Variants in TLX3 observed in about 807,000 individuals in gnomAD.
The protein encoded by TLX3 is T cell leukemia homeobox 3.
In TLX3, 11 loss-of-function variants were observed where a neutral mutation model predicts 19.6. The ratio of observed to expected loss-of-function variants is 0.56; its 90% CI spans 0.35 to 0.93. TLX3 has a LOEUF of 0.93. Among genes scored for constraint, TLX3 ranks in the 40% least tolerant of loss-of-function variants. TLX3 has a pLI of 0.01. For synonymous variants in TLX3, 221 were observed against 188.1 expected (o/e 1.17, Z -1.43); for missense variants, 375 against 418.6 (o/e 0.90, Z 0.91).
rs767175372 is a variant in TLX3 at position 171,309,633 on chromosome 5, G to A, written c.268G>A (p.Val90Met). 2 of 1,607,976 alleles carry A rather than the reference G, an allele frequency of 1.2e-6. No homozygotes were observed. Among genetic ancestry groups the A allele is most frequent in the East Asian group, 4.5e-5 (2 of 44,742 alleles). The change falls in exon 1 of 3, where the codon GTG (valine) becomes ATG (methionine). Residue 90 changes from valine (V) to methionine (M), a missense_variant. Physicochemically the swap from Val to Met is conservative, Grantham distance 21 (BLOSUM62 1). Around this residue, in one of 3 missense-constraint regions of TLX3, gnomAD observed 239 missense variants for 217.0 expected, o/e 1.10. Coordinates refer to ENST00000296921, the MANE Select transcript of TLX3 (RefSeq NM_021025.4). ...CCTAGCGCCCGCAGGCGTGATCCGGGTGCCGGCGCACAGGCCGCTGCCCGG... is the reference window on the plus strand; with the variant it reads ...CCTAGCGCCCGCAGGCGTGATCCGGATGCCGGCGCACAGGCCGCTGCCCGG... ...LSLAPAGVIR[V>M]PAHRPLPGAV...
At position 171,311,372 on chromosome 5, in the gene TLX3, TC is replaced by T. The variant is rs2113030942; in HGVS notation, c.666-14del. The stretch of plus-strand genomic sequence containing the variant: ...CGGGTGCATGACGGTACTGTCCCTC[TC>T]CCTCCCCCGGTGCAGGCGGCAGACG... On this transcript the variant is annotated splice_polypyrimidine_tract_variant and intron_variant, in intron 2 of 2. Transcript: ENST00000296921. This position sits in a 1 kb window ranked among gnomAD's most constrained non-coding sequence, Gnocchi z 5.1. 1.3e-6 allele frequency: 2 copies of T among 1,544,662 alleles called. No individual in the cohort carries two copies. The highest frequency in any genetic ancestry group is 4.9e-5 in the East Asian group (2 of 40,662).
intron 1 of TLX3, 145 bp downstream of exon 1, chr5:171,309,931 G>T: frequency 7.6e-7 from 1 of 1,311,028 alleles, no homozygotes; most frequent in South Asian, 1.6e-5. Context: ...CAGCCGTGGT[G>T]GGGAGGGTAA....
chr5:171,309,426 G>T lies in TLX3; in HGVS notation c.61G>T (p.Asp21Tyr). The T allele has an allele frequency of 6.2e-7, 1 of 1,605,246 alleles. No individual in the cohort carries two copies. The highest frequency in any genetic ancestry group is 8.5e-7 in the Non-Finnish European group (1 of 1,176,438). The change falls in exon 1 of 3, where the codon GAC becomes TAC. Residue 21 changes from aspartate (D) to tyrosine (Y), a missense_variant. Coordinates refer to ENST00000296921, the MANE Select transcript of TLX3 (RefSeq NM_021025.4). ...GCACGAGCCCATCAGCTTCGGCATC[G>T]ACCAGATCCTTAACAGCCCGGACCA... ...HPHEPISFGI[D>Y]QILNSPDQDS...
chr5:171,309,994 AG>A (rs930556179), intron 1 of TLX3, among the ~76,000 whole-genome samples, 155 bp from the exon 2 acceptor site: 2 of 152,222 alleles, frequency 1.3e-5, no homozygotes, highest in African/African-American at 4.8e-5. Flanking sequence ...ACAGGGGGCG[AG>A]GGGGTCTCCC....
Position 171,311,235 on chromosome 5 carries a change from G to A in TLX3, c.666-154G>A, listed in dbSNP as rs1561843109. On this transcript the variant is annotated intron_variant, in intron 2 of 2. Transcript: ENST00000296921. The surrounding 1 kb of genome is among the most constrained non-coding windows in gnomAD (Gnocchi z 5.1). ...ATCCTAACCGGCTCCCTGGATATAA[G>A]AGCCTCGGGCGTAAAGCGCGGGCTG... Among the ~76,000 whole-genome samples, 1 of 152,172 alleles carries A rather than the reference G, an allele frequency of 6.6e-6. No individual in the cohort carries two copies. Among genetic ancestry groups the A allele is most frequent in the Non-Finnish European group, 1.5e-5 (1 of 68,024 alleles).
Position 171,311,626 on chromosome 5 carries a change from G to A in TLX3, c.*27G>A. On this transcript the variant is annotated 3_prime_UTR_variant, in exon 3 of 3. Transcript: ENST00000296921. This position sits in a 1 kb window ranked among gnomAD's most constrained non-coding sequence, Gnocchi z 5.1. ...CCCACCAGCGCGCACCGTCGCCACG[G>A]ATCGCCGCCCCCACCCAGCCGGGCG... 1.9e-6 allele frequency: 3 copies of A among 1,565,620 alleles called. No individual in the cohort carries two copies. Among genetic ancestry groups the A allele is most frequent in the Non-Finnish European group, 2.6e-6 (3 of 1,149,886 alleles).
rs751423994 is a variant in TLX3 at position 171,310,151 on chromosome 5, G to A, written c.423G>A (p.Ala141=). 12 of 1,549,294 alleles carry A rather than the reference G, an allele frequency of 7.7e-6. No individual in the cohort carries two copies. The Admixed American group carries it at 1.2e-4, about 15-fold the overall frequency. ...SRRFVKDRFT[A]AAALTPFTVT... ...AGGGGCCCTCCTGTGTCTCCGCAGC[G>A]GCGGCCGCACTCACGCCCTTCACCG... The change falls in exon 2 of 3, where the codon GCG becomes GCA. Residue 141 remains alanine, a splice_region_variant and synonymous_variant. Transcript: ENST00000296921.
chr5:171,310,090 T>C (rs1049541449), intron 1 of TLX3, 60 bp from the exon 2 acceptor site: 88 of 1,508,242 alleles, frequency 5.8e-5, no homozygotes, highest in Non-Finnish European at 7.5e-5. Flanking sequence ...GGGGTCCGCA[T>C]GGGGCCTGAA....
chr5:171,311,730 G>A lies in TLX3; in HGVS notation c.*131G>A, dbSNP rs1769226581. 2 of 645,832 alleles carry A rather than the reference G, an allele frequency of 3.1e-6. No individual in the cohort carries two copies. The highest frequency in any genetic ancestry group is 5.0e-6 in the Non-Finnish European group (2 of 403,334). The allele number at this position is 645,832 out of a possible 1,614,324, so 40.0% of individuals were successfully genotyped here. ...CCGCCTAGCCCGAGTAGGCCCCAGG[G>A]CGCGGCCACAGACTGGCGGGCCGCG... On this transcript the variant is annotated 3_prime_UTR_variant, in exon 3 of 3. Transcript: ENST00000296921. This position sits in a 1 kb window ranked among gnomAD's most constrained non-coding sequence, Gnocchi z 5.1.
chr5:171,311,376 TC>T lies in TLX3; in HGVS notation c.666-8del, dbSNP rs1229703645. 1.3e-6 allele frequency: 2 copies of T among 1,528,996 alleles called. No individual in the cohort carries two copies. Among genetic ancestry groups the T allele is most frequent in the Admixed American group, 2.0e-5 (1 of 50,380 alleles). The allele number at this position is 1,528,996 out of a possible 1,614,324, so 94.7% of individuals were successfully genotyped here. On this transcript the variant is annotated splice_polypyrimidine_tract_variant and intron_variant, in intron 2 of 2. Transcript: ENST00000296921. The surrounding 1 kb of genome is among the most constrained non-coding windows in gnomAD (Gnocchi z 5.1). ...TGCATGACGGTACTGTCCCTCTCCC[TC>T]CCCCGGTGCAGGCGGCAGACGGCGG...
chr5:171,309,567 G>A lies in TLX3; in HGVS notation c.202G>A (p.Ala68Thr). The A allele has an allele frequency of 6.3e-7, 1 of 1,587,642 alleles. No individual in the cohort carries two copies. The highest frequency in any genetic ancestry group is 8.6e-7 in the Non-Finnish European group (1 of 1,168,392). ...SLPASFAGLG[A>T]PFEDAGSYSV... is the part of the protein sequence containing the mutation. ...GCCCGCCTCCTTTGCGGGCCTCGGCGCGCCCTTCGAGGACGCGGGATCTTA... is the reference window on the plus strand; with the variant it reads ...GCCCGCCTCCTTTGCGGGCCTCGGCACGCCCTTCGAGGACGCGGGATCTTA... The change falls in exon 1 of 3, where the codon GCG becomes ACG. Residue 68 changes from alanine (A) to threonine (T), a missense_variant. By Grantham distance (58) the Ala-to-Thr change is moderately conservative. This residue lies in a region of TLX3 where 239 missense variants were observed against 217.0 expected (regional missense o/e 1.10). Coordinates refer to ENST00000296921, the MANE Select transcript of TLX3 (RefSeq NM_021025.4).
intron 1 of TLX3, 71 bp from the exon 2 acceptor site, chr5:171,310,079 C>G (rs1351071960): frequency 1.3e-6 from 2 of 1,483,154 alleles, no homozygotes; most frequent in Non-Finnish European, 1.8e-6. Flanking sequence ...CGGGGCGCCA[C>G]GGGGTCCGCA....
rs1489107645 is a variant in TLX3, at chr5:171,310,198, C to G, written c.470C>G (p.Pro157Arg). The change falls in exon 2 of 3, where the codon CCC becomes CGC. Residue 157 changes from proline (P) to arginine (R), a missense_variant. Coordinates refer to ENST00000296921, the MANE Select transcript of TLX3 (RefSeq NM_021025.4). ...PFTVTRRIGH[P>R]YQNRTPPKRK... ...ACCGTGACCCGGCGCATCGGCCACC[C>G]CTACCAGAACCGGACGCCGCCCAAG... is the stretch of plus-strand genomic sequence containing the variant. 1 of 1,553,152 alleles carries G rather than the reference C, an allele frequency of 6.4e-7. No individual in the cohort carries two copies. The highest frequency in any genetic ancestry group is 8.7e-7 in the Non-Finnish European group (1 of 1,148,214).
rs1435340826 is a variant in TLX3 at position 171,311,863 on chromosome 5, C to T, written c.*264C>T. On this transcript the variant is annotated 3_prime_UTR_variant, in exon 3 of 3. Transcript: ENST00000296921. This position sits in a 1 kb window ranked among gnomAD's most constrained non-coding sequence, Gnocchi z 5.1. Reference sequence around the variant, plus strand: ...GACAAGAAAGCGCCTTACGTTTCTCCGCCCCCCGCCCGCACCCCCCGGGCC... The same window carrying T: ...GACAAGAAAGCGCCTTACGTTTCTCTGCCCCCCGCCCGCACCCCCCGGGCC... 3.3e-6 allele frequency: 1 copy of T among 307,002 alleles called. No homozygotes were observed. 19.0% of individuals were successfully genotyped at this position (307,002 alleles called of 1,614,324 possible).
chr5:171,309,884 C>T (rs1358563417), intron 1 of TLX3, 98 bp downstream of exon 1: 1 of 1,421,094 alleles, frequency 7.0e-7, no homozygotes, highest in South Asian at 1.5e-5. Context: ...TTTCAGAGGC[C>T]CAAGCGCGGC....
At position 171,309,676 on chromosome 5, in the gene TLX3, T is replaced by G; in HGVS notation, c.311T>G (p.Leu104Arg). ...CTGCCCGGGGCCGTGCCACCGCCTC[T>G]GCCAAGCGCGCTACCCGCCATGCCC... ...RPLPGAVPPP[L>R]PSALPAMPSV... Residue 104 changes from leucine (L) to arginine (R), a missense_variant, in exon 1 of 3, where the codon CTG becomes CGG. Physicochemically the swap from Leu to Arg is moderately radical, Grantham distance 102. Transcript: ENST00000296921. 1.9e-6 allele frequency: 3 copies of G among 1,609,524 alleles called. No individual in the cohort carries two copies. The highest frequency in any genetic ancestry group is 2.2e-5 in the East Asian group (1 of 44,792).
rs1581211264 is a variant in TLX3, at chr5:171,311,460, A to G, written c.737A>G (p.Asp246Gly). The change falls in exon 3 of 3, where the codon GAC (aspartate) becomes GGC (glycine). Residue 246 changes from aspartate to glycine, a missense_variant. Asp to Gly is a moderately conservative substitution (Grantham distance 94). Transcript: ENST00000296921. This position sits in a 1 kb window ranked among gnomAD's most constrained non-coding sequence, Gnocchi z 5.1. The stretch of plus-strand genomic sequence containing the variant: ...CGGCTCATGCTGCAGCTGCAACACG[A>G]CGCCTTCCAAAAGAGCCTCAACGAC... ...ASRLMLQLQH[D>G]AFQKSLNDSI... 8.9e-6 allele frequency: 14 copies of G among 1,581,720 alleles called. No homozygotes were observed. The East Asian group carries it at 3.1e-4, about 35-fold the overall frequency.
chr5:171,310,232 G>T lies in TLX3; in HGVS notation c.504G>T (p.Lys168Asn). The change falls in exon 2 of 3, where the codon AAG becomes AAT. Residue 168 changes from lysine to asparagine, a missense_variant. This residue lies in a region of TLX3 where 74 missense variants were observed against 138.6 expected (regional missense o/e 0.53). Coordinates refer to ENST00000296921, the MANE Select transcript of TLX3 (RefSeq NM_021025.4). The part of the protein sequence containing the change: ...YQNRTPPKRK[K>N]PRTSFSRVQI... ...ACCGGACGCCGCCCAAGCGTAAGAA[G>T]CCGCGCACGTCCTTTTCCCGGGTGC... 1 of 1,559,458 alleles carries T rather than the reference G, an allele frequency of 6.4e-7. No individual in the cohort carries two copies. Among genetic ancestry groups the T allele is most frequent in the East Asian group, 2.4e-5 (1 of 41,262 alleles).
rs917319722 is a variant in TLX3 at position 171,311,208 on chromosome 5, T to C, written c.666-181T>C. Among the ~76,000 whole-genome samples, 6 of 152,096 alleles carry C rather than the reference T, an allele frequency of 3.9e-5. No homozygotes were observed. The highest frequency in any genetic ancestry group is 1.4e-4 in the African/African-American group (6 of 41,430). On this transcript the variant is annotated intron_variant, in intron 2 of 2. Transcript: ENST00000296921. The surrounding 1 kb of genome is among the most constrained non-coding windows in gnomAD (Gnocchi z 5.1). Reference sequence around the variant, plus strand: ...CCCTCTGGCACACAACAAAAACAAATGATCCTAACCGGCTCCCTGGATATA... The same window carrying C: ...CCCTCTGGCACACAACAAAAACAAACGATCCTAACCGGCTCCCTGGATATA...
Sources: allele counts gnomAD v4.1 joint callset (sites outside exome capture counted in the v4.1 genomes callset), GRCh38; gene constraint gnomAD v4.1.1; regional missense constraint gnomAD v4.1.1; non-coding constraint Gnocchi (gnomAD v3.1); transcripts MANE v1.5; gene names NCBI Gene and HGNC (gene_info 2026-07-23, HGNC 2026-07-21).